SKAP2: variants seen among roughly 807,000 people sequenced by gnomAD.
SKAP2 encodes the protein src kinase associated phosphoprotein 2, also known as src kinase-associated phosphoprotein 2.
In SKAP2, 28 loss-of-function variants were observed where a neutral mutation model predicts 54.9. That is an observed-to-expected ratio of 0.51 (90% CI 0.38 to 0.70). The LOEUF (loss-of-function observed/expected upper bound fraction) is 0.70, where lower values mean the gene tolerates loss of function less well. Ranked by LOEUF, SKAP2 falls within the 30% of genes least tolerant of loss-of-function variation. The pLI is 0.00. For synonymous variants in SKAP2, 137 were observed against 134.3 expected (o/e 1.02, Z -0.14); for missense variants, 356 against 424.1 (o/e 0.84, Z 1.41).
At chr7:26,850,302 G>T (rs554387718) in intron 3 of SKAP2, among the ~76,000 whole-genome samples, 1 of 151,988 alleles carries the variant, frequency 6.6e-6, no homozygotes, top group African/African-American at 2.4e-5. Context: ...TCTGTCGGCC[G>T]AGCATGGTGA....
chr7:26,850,827 G>T (rs4722647), intron 3 of SKAP2, among the ~76,000 whole-genome samples: 1 of 151,818 alleles, frequency 6.6e-6, no homozygotes, highest in African/African-American at 2.4e-5. Context: ...ATTCTAAAGC[G>T]GCAATTTGTC....
chr7:26,808,633 T>C (rs567076867), intron 4 of SKAP2, among the ~76,000 whole-genome samples: 1 of 137,866 alleles, frequency 7.3e-6, no homozygotes, highest in Non-Finnish European at 1.6e-5. Flanking sequence ...ATAATATGTG[T>C]CTTTTACCAT....
intron 4 of SKAP2, among the ~76,000 whole-genome samples, chr7:26,788,343 C>A (rs1471288264): frequency 6.6e-6 from 1 of 151,730 alleles, no homozygotes; most frequent in Non-Finnish European, 1.5e-5. Context: ...ACCTTTCTAT[C>A]CCTTCATCTT....
chr7:26,720,802 G>A (rs1346162871), intron 9 of SKAP2, among the ~76,000 whole-genome samples: 1 of 152,092 alleles, frequency 6.6e-6, no homozygotes, highest in African/African-American at 2.4e-5. Context: ...CACGAGAACT[G>A]GATAGGGGAC....
rs1024767729 is a variant in SKAP2 at position 26,853,732 on chromosome 7, C to A, written c.199+405G>T. 2.2e-4 allele frequency among the ~76,000 whole-genome samples: 33 copies of A among 152,128 alleles called. 1 individual carries two copies. Among genetic ancestry groups the A allele is most frequent in the Non-Finnish European group, 1.5e-5 (1 of 67,980 alleles). The stretch of plus-strand genomic sequence containing the variant: ...AAAACATTACCTGTGAGCACTCAGC[C>A]ACAGGACCTTCTCCCACCACCACTA... On this transcript the variant is annotated intron_variant, in intron 3 of 12. Transcript: ENST00000345317.
chr7:26,710,301 T>G (rs1787273580), intron 9 of SKAP2, among the ~76,000 whole-genome samples: 1 of 152,144 alleles, frequency 6.6e-6, no homozygotes, highest in South Asian at 2.1e-4. Context: ...ACATGAAAAG[T>G]GTTAAGATTT....
intron 4 of SKAP2, among the ~76,000 whole-genome samples, chr7:26,795,024 G>C (rs58552008): frequency 2.0e-5 from 3 of 152,176 alleles, no homozygotes; most frequent in Non-Finnish European, 4.4e-5. Flanking sequence ...GCACAACACA[G>C]ACAAAACAAT....
rs182623343 is a variant in SKAP2 at position 26,762,850 on chromosome 7, G to C, written c.308-22886C>G. 4.7e-3 allele frequency among the ~76,000 whole-genome samples: 710 copies of C among 152,244 alleles called. 5 individuals are homozygous for C. The highest frequency in any genetic ancestry group is 0.01 in the Admixed American group (157 of 15,284). ...TTCAGACTCTTCCTTAGACACCCAA[G>C]TAACCAAAATCATAAATTTGCAACC... On this transcript the variant is annotated intron_variant, in intron 4 of 12. Coordinates refer to ENST00000345317, the MANE Select transcript of SKAP2 (RefSeq NM_003930.5).
chr7:26,725,768 T>C (rs1173916452), intron 8 of SKAP2, among the ~76,000 whole-genome samples, 155 bp downstream of exon 8: 1 of 152,154 alleles, frequency 6.6e-6, no homozygotes, highest in Non-Finnish European at 1.5e-5. Context: ...AAAGATGCTG[T>C]TTAAAATCTG....
Position 26,814,242 on chromosome 7 carries a change from T to C in SKAP2, c.307+29788A>G, listed in dbSNP as rs1038917774. Among the ~76,000 whole-genome samples, 15 of 152,286 alleles carry C rather than the reference T, an allele frequency of 9.8e-5. 1 individual carries two copies. The East Asian group carries it at 2.9e-3, about 29-fold the overall frequency. On this transcript the variant is annotated intron_variant, in intron 4 of 12. Transcript: ENST00000345317. Reference sequence around the variant, plus strand: ...AAAATTTGATATAATTGTTGTAAATTATTTAGTGGAGAATTCATTTTCTAT... The same window carrying C: ...AAAATTTGATATAATTGTTGTAAATCATTTAGTGGAGAATTCATTTTCTAT...
intron 4 of SKAP2, among the ~76,000 whole-genome samples, chr7:26,826,118 T>TATACACACACACACACACACAC (rs775976113): frequency 6.7e-6 from 1 of 150,026 alleles, no homozygotes; most frequent in African/African-American, 2.5e-5. Context: ...ATTCGTGCAA[T>TATACACACACACACACACACAC]ACACACACAC....
In SKAP2 at chr7:26,730,778, T is replaced by C. The variant is rs186642714; in HGVS notation, c.470-3772A>G. ...CAAGGTAAAAAGCAGTTGGCTCTGATTTCCTACAAAACAAAATGCATAAGG... is the reference window on the plus strand; with the variant it reads ...CAAGGTAAAAAGCAGTTGGCTCTGACTTCCTACAAAACAAAATGCATAAGG... On this transcript the variant is annotated intron_variant, in intron 6 of 12. Transcript: ENST00000345317. 6.6e-5 allele frequency among the ~76,000 whole-genome samples: 10 copies of C among 152,318 alleles called. No individual in the cohort carries two copies. The East Asian group carries it at 1.9e-3, about 29-fold the overall frequency.
chr7:26,822,951 A>G lies in SKAP2; in HGVS notation c.307+21079T>C, dbSNP rs563434249. Among the ~76,000 whole-genome samples the G allele has an allele frequency of 3.3e-5, 5 of 152,286 alleles. No homozygotes were observed. The East Asian group carries it at 9.7e-4, about 29-fold the overall frequency. ...TGAAAGAAAGAGTTCCACATCTCTCACTGTAAATCAAAAGGTACAAAAGGT... is the reference window on the plus strand; with the variant it reads ...TGAAAGAAAGAGTTCCACATCTCTCGCTGTAAATCAAAAGGTACAAAAGGT... On this transcript the variant is annotated intron_variant, in intron 4 of 12. Coordinates refer to ENST00000345317, the MANE Select transcript of SKAP2 (RefSeq NM_003930.5).
chr7:26,660,141 AT>A, the SKAP2 span, among the ~76,000 whole-genome samples: 1 of 152,094 alleles, frequency 6.6e-6, no homozygotes, highest in Non-Finnish European at 1.5e-5. Context: ...ATGTGACTAA[AT>A]TTATCTCTAT....
chr7:26,725,260 C>G (rs1413292885), intron 9 of SKAP2, among the ~76,000 whole-genome samples, 168 bp downstream of exon 9: 2 of 151,956 alleles, frequency 1.3e-5, no homozygotes, highest in Admixed American at 6.6e-5. Flanking sequence ...CAAGCAGAAC[C>G]CTTTTTGTAA....
intron 4 of SKAP2, among the ~76,000 whole-genome samples, chr7:26,832,976 A>G (rs1294755744): frequency 6.6e-6 from 1 of 152,148 alleles, no homozygotes; most frequent in African/African-American, 2.4e-5. Flanking sequence ...CTAAATCCCA[A>G]ACTCCACTCT....
intron 5 of SKAP2, 110 bp from the exon 6 acceptor site, chr7:26,738,988 T>C: frequency 1.4e-6 from 1 of 705,242 alleles, no homozygotes; most frequent in East Asian, 2.7e-5. Context: ...GACTAATTTG[T>C]ATCTTCTTTT....
At chr7:26,804,738 C>CAAA (rs11306463) in intron 4 of SKAP2, among the ~76,000 whole-genome samples, 1 of 87,430 alleles carries the variant, frequency 1.1e-5, no homozygotes, top group Non-Finnish European at 2.3e-5. Flanking sequence ...GACCCCGTCT[C>CAAA]AAAAAAAAAA....
chr7:26,826,415 T>C (rs557465926), intron 4 of SKAP2, among the ~76,000 whole-genome samples: 35 of 152,326 alleles, frequency 2.3e-4, no homozygotes, highest in Non-Finnish European at 3.7e-4. Flanking sequence ...CCAATTCTAT[T>C]CATTTTTCAC....
Sources: gnomAD v4.1 joint callset for allele counts (sites outside exome capture counted in the v4.1 genomes callset) on GRCh38, gnomAD v4.1.1 for gene constraint, MANE v1.5 for transcripts, NCBI Gene and HGNC (gene_info 2026-07-23, HGNC 2026-07-21) for gene names.